The following ABL1 variants were observed in gnomAD, a reference collection of about 807,000 sequenced individuals.
ABL1 encodes the protein ABL proto-oncogene 1, non-receptor tyrosine kinase, also known as tyrosine-protein kinase ABL1.
In ABL1, 11 loss-of-function variants were observed where a neutral mutation model predicts 94.7. The ratio of observed to expected loss-of-function variants is 0.12; its 90% CI spans 0.07 to 0.19. The LOEUF is 0.19. Ranked by LOEUF, ABL1 falls within the 10% of genes least tolerant of loss-of-function variation. ABL1 has a pLI of 1.00. For synonymous variants in ABL1, 656 were observed against 622.4 expected (o/e 1.05, Z -0.80); for missense variants, 1,082 against 1,489.4 (o/e 0.73, Z 4.50).
Position 130,872,624 on chromosome 9 carries a change from G to C in ABL1, c.908-236G>C, listed in dbSNP as rs1310555969. Among the ~76,000 whole-genome samples, 1 of 152,120 alleles carries C rather than the reference G, an allele frequency of 6.6e-6. No individual in the cohort carries two copies. The highest frequency in any genetic ancestry group is 1.9e-4 in the East Asian group (1 of 5,190). ...GGCCAGGTCTGCGTCTGAATTCTGT[G>C]GCAGCCTCTCCCTGCGTAAATTCAA... On this transcript the variant is annotated intron_variant, in intron 5 of 10. Coordinates refer to ENST00000318560, the MANE Select transcript of ABL1 (RefSeq NM_005157.6). The surrounding 1 kb of genome is among the most constrained non-coding windows in gnomAD (Gnocchi z 5.0).
chr9:130,805,801 T>A (rs948596931), intron 1 of ABL1, among the ~76,000 whole-genome samples: 1 of 152,136 alleles, frequency 6.6e-6, no homozygotes. Context: ...TCTTATTAAG[T>A]AGGGGGATGA....
At chr9:130,822,439 C>CTTTTTTTTTTT (rs35922505) in intron 1 of ABL1, among the ~76,000 whole-genome samples, 2 of 104,408 alleles carry the variant, frequency 1.9e-5, no homozygotes, top group Non-Finnish European at 3.8e-5. Context: ...CCCGCCCCTG[C>CTTTTTTTTTTT]TTTTTTTTTT....
At chr9:130,753,314 C>T (rs533313272) in intron 1 of ABL1, among the ~76,000 whole-genome samples, 1 of 152,190 alleles carries the variant, frequency 6.6e-6, no homozygotes, top group South Asian at 2.1e-4. Flanking sequence ...ACTTGGCTAT[C>T]ACTTCCTCTG....
At chr9:130,859,614 C>G (rs1193753159) in intron 3 of ABL1, among the ~76,000 whole-genome samples, 1 of 147,918 alleles carries the variant, frequency 6.8e-6, no homozygotes, top group African/African-American at 2.5e-5. Context: ...TTGCACAAGT[C>G]TAAGCTCCGT....
intron 1 of ABL1, among the ~76,000 whole-genome samples, chr9:130,722,765 T>C (rs1831532553): frequency 6.6e-6 from 1 of 152,174 alleles, no homozygotes; most frequent in Non-Finnish European, 1.5e-5. Flanking sequence ...AAATTTGTAA[T>C]ATAGAAGAAA....
chr9:130,791,210 G>A (rs935673372), intron 1 of ABL1, among the ~76,000 whole-genome samples: 1 of 152,184 alleles, frequency 6.6e-6, no homozygotes, highest in Admixed American at 6.5e-5. Context: ...ATGCCAGCTG[G>A]CTTTTCTATA....
At chr9:130,853,170 CTTTTTTTTTTT>C (rs11418318) in intron 1 of ABL1, among the ~76,000 whole-genome samples, 5 of 75,342 alleles carry the variant, frequency 6.6e-5, no homozygotes, top group South Asian at 1.2e-3. Flanking sequence ...TTTGACTTTT[CTTTTTTTTTTT>C]TTTTTTTTTT....
At chr9:130,714,328 G>T in exon 1 of ABL1, 1 of 1,607,648 alleles carries the variant, frequency 6.2e-7, no homozygotes. Flanking sequence ...TTATGGGGCA[G>T]CAGCCTGGAA....
chr9:130,777,371 G>T (rs1829681444), intron 1 of ABL1, among the ~76,000 whole-genome samples: 1 of 152,176 alleles, frequency 6.6e-6, no homozygotes, highest in Non-Finnish European at 1.5e-5. Context: ...GAACCTCTCA[G>T]GGCTTTGTGT....
At chr9:130,833,321 A>G (rs36017879), upstream of ABL1, among the ~76,000 whole-genome samples, 5,289 of 152,304 alleles carry the variant, frequency 0.035, 132 homozygotes, top group African/African-American at 0.067. Flanking sequence ...GAACTTTCCA[A>G]AAGGGCAACA....
intron 1 of ABL1, among the ~76,000 whole-genome samples, chr9:130,781,614 A>G (rs1829757090): frequency 6.6e-6 from 1 of 152,190 alleles, no homozygotes; most frequent in Admixed American, 6.5e-5. Flanking sequence ...TTACTGTAAC[A>G]AACACCAAGG....
At chr9:130,789,213 C>T (rs903921482) in intron 1 of ABL1, among the ~76,000 whole-genome samples, 6 of 152,052 alleles carry the variant, frequency 3.9e-5, no homozygotes, top group African/African-American at 1.5e-4. Flanking sequence ...AGAAAATGTA[C>T]GGGGGAGAAG....
chr9:130,821,943 CA>C (rs781553932), intron 1 of ABL1, among the ~76,000 whole-genome samples: 13 of 151,618 alleles, frequency 8.6e-5, no homozygotes, highest in Non-Finnish European at 1.5e-5. Context: ...GGGTTCATGC[CA>C]TTCTCCCGCC....
rs777627688 is a variant in ABL1, at chr9:130,885,413, C to T, written c.3123C>T (p.Leu1041=). 5.0e-6 allele frequency: 8 copies of T among 1,613,542 alleles called. No homozygotes were observed. In the East Asian group the frequency reaches 1.1e-4, roughly 22 times the overall value. ...VVLDSTEALC[L]AISRNSEQMA... is the part of the protein sequence containing the mutation. The stretch of plus-strand genomic sequence containing the variant: ...TGGACAGCACCGAGGCGCTGTGCCT[C>T]GCCATCTCTAGGAACTCCGAGCAGA... The change falls in exon 11 of 11, where the codon CTC becomes CTT. Residue 1041 remains leucine (L), a synonymous_variant. Transcript: ENST00000318560.
intron 8 of ABL1, among the ~76,000 whole-genome samples, chr9:130,879,699 G>A (rs1201642887): frequency 6.6e-6 from 1 of 152,198 alleles, no homozygotes; most frequent in Non-Finnish European, 1.5e-5. Flanking sequence ...TCATTTTCAT[G>A]AGAATTTCTT....
chr9:130,716,675 A>C (rs1236937543), intron 1 of ABL1, among the ~76,000 whole-genome samples: 3 of 152,210 alleles, frequency 2.0e-5, no homozygotes, highest in Non-Finnish European at 4.4e-5. Context: ...GAATCTTTCA[A>C]AGAAAACAAC....
intron 1 of ABL1, among the ~76,000 whole-genome samples, chr9:130,825,620 A>G (rs1830415468): frequency 1.3e-5 from 2 of 152,314 alleles, no homozygotes; most frequent in East Asian, 1.9e-4. Flanking sequence ...TTTTTGATGT[A>G]TTTGTTTTAT....
At chr9:130,748,571 C>T (rs1310778564) in intron 1 of ABL1, among the ~76,000 whole-genome samples, 1 of 151,930 alleles carries the variant, frequency 6.6e-6, no homozygotes, top group Non-Finnish European at 1.5e-5. Flanking sequence ...AGCCACCATG[C>T]CTAGCTACTT....
At chr9:130,750,988 T>G (rs1468703954) in intron 1 of ABL1, among the ~76,000 whole-genome samples, 1 of 151,596 alleles carries the variant, frequency 6.6e-6, no homozygotes, top group Non-Finnish European at 1.5e-5. Flanking sequence ...AGGATTGAGG[T>G]AGTTGTAGAG....
Sources: gnomAD v4.1 joint callset for allele counts (sites outside exome capture counted in the v4.1 genomes callset) on GRCh38, gnomAD v4.1.1 for gene constraint, Gnocchi (gnomAD v3.1) non-coding constraint, MANE v1.5 for transcripts, NCBI Gene and HGNC (gene_info 2026-07-23, HGNC 2026-07-21) for gene names.